The following IPCEF1 variants were observed in gnomAD, a reference collection of about 807,000 sequenced individuals.
The protein encoded by IPCEF1 is interactor protein for cytohesin exchange factors 1.
IPCEF1 carries 31 observed loss-of-function variants against 50.9 expected under a neutral mutation model. The ratio of observed to expected loss-of-function variants is 0.61; its 90% CI spans 0.46 to 0.82. The LOEUF is 0.82. Among genes scored for constraint, IPCEF1 ranks in the 40% least tolerant of loss-of-function variants. The pLI is 0.00. For missense variants in IPCEF1, 458 were observed against 514.0 expected (o/e 0.89, Z 1.05); for synonymous variants, 181 against 192.0 (o/e 0.94, Z 0.47).
intron 11 of IPCEF1, among the ~76,000 whole-genome samples, chr6:154,161,165 C>T (rs1364675966): frequency 6.6e-6 from 1 of 151,986 alleles, no homozygotes; most frequent in Non-Finnish European, 1.5e-5. Flanking sequence ...GTTTCTTTTA[C>T]ACAGAACACT....
At chr6:154,237,301 GA>G (rs1224371329) in intron 5 of IPCEF1, among the ~76,000 whole-genome samples, 1 of 152,152 alleles carries the variant, frequency 6.6e-6, no homozygotes, top group Admixed American at 6.5e-5. Context: ...CTCCAGGGTG[GA>G]AAACGCTGTA....
chr6:154,295,568 G>A (rs907033272), intron 1 of IPCEF1, among the ~76,000 whole-genome samples: 1 of 152,156 alleles, frequency 6.6e-6, no homozygotes, highest in Middle Eastern at 3.2e-3. Flanking sequence ...GAGAGCACAG[G>A]GGGTCTAGGT....
intron 2 of IPCEF1, among the ~76,000 whole-genome samples, chr6:154,268,519 G>A (rs921056851): frequency 1.3e-5 from 2 of 152,138 alleles, no homozygotes; most frequent in African/African-American, 4.8e-5. Context: ...TTGGACCACT[G>A]CAAGAACATC....
Position 154,199,934 on chromosome 6 carries a change from A to G in IPCEF1, c.644T>C (p.Leu215Ser), listed in dbSNP as rs1228857466. ...VKTPSSFPSS[L>S]SKERQSLPDT... ...AGGCAAGGATTGTCTCTCTTTAGATAAGGAGGAAGGAAAACTGCTGGGTGT... is the reference window on the plus strand; with the variant it reads ...AGGCAAGGATTGTCTCTCTTTAGATGAGGAGGAAGGAAAACTGCTGGGTGT... Residue 215 changes from leucine to serine, a missense_variant, in exon 10 of 12, where the codon TTA becomes TCA. By Grantham distance (145) the Leu-to-Ser change is moderately radical. Coordinates refer to ENST00000367220, the MANE Select transcript of IPCEF1 (RefSeq NM_001130700.2). 1 of 1,614,238 alleles carries G rather than the reference A, an allele frequency of 6.2e-7. No homozygotes were observed. Among genetic ancestry groups the G allele is most frequent in the East Asian group, 2.2e-5 (1 of 44,878 alleles).
chr6:154,178,632 G>A (rs751671276), intron 10 of IPCEF1, among the ~76,000 whole-genome samples: 2 of 152,064 alleles, frequency 1.3e-5, no homozygotes, highest in African/African-American at 2.4e-5. Context: ...ACCTGTTGGG[G>A]TAACCAGACA....
At chr6:154,353,020 T>G (rs1232463865) in intron 1 of IPCEF1, among the ~76,000 whole-genome samples, 1 of 152,226 alleles carries the variant, frequency 6.6e-6, no homozygotes, top group Non-Finnish European at 1.5e-5. Flanking sequence ...CCCATTTTCA[T>G]GTCATTCTAG....
At chr6:154,349,388 A>G (rs1562298548) in intron 1 of IPCEF1, among the ~76,000 whole-genome samples, 1 of 146,058 alleles carries the variant, frequency 6.8e-6, no homozygotes, top group East Asian at 2.0e-4. Context: ...ATTTTATTTT[A>G]TTTATTTATT....
chr6:154,200,005 C>T lies in IPCEF1; in HGVS notation c.573G>A (p.Leu191=). ...AAGAGAAAGAATACGACGTTCCACT[C>T]AGGCTGGGTGAGGATGAAGATGCCT... ...AQQASSSSPS[L]SGTSYSFSSL... is the part of the protein sequence containing the mutation. Residue 191 remains leucine, a synonymous_variant, in exon 10 of 12, where the codon CTG becomes CTA. Coordinates refer to ENST00000367220, the MANE Select transcript of IPCEF1 (RefSeq NM_001130700.2). The T allele has an allele frequency of 6.2e-7, 1 of 1,614,058 alleles. No homozygotes were observed. The highest frequency in any genetic ancestry group is 8.5e-7 in the Non-Finnish European group (1 of 1,179,962).
chr6:154,208,955 A>G (rs552535988), intron 9 of IPCEF1, among the ~76,000 whole-genome samples: 3 of 152,344 alleles, frequency 2.0e-5, no homozygotes, highest in Admixed American at 2.0e-4. Flanking sequence ...TCTTTCCACT[A>G]TCAACCCTCT....
At chr6:154,331,655 T>C (rs1164909392) in intron 1 of IPCEF1, among the ~76,000 whole-genome samples, 1 of 151,760 alleles carries the variant, frequency 6.6e-6, no homozygotes, top group Non-Finnish European at 1.5e-5. Flanking sequence ...CATTGGAGAG[T>C]AGGCTCAAGC....
chr6:154,173,516 G>A (rs996587752), intron 10 of IPCEF1, among the ~76,000 whole-genome samples: 11 of 152,198 alleles, frequency 7.2e-5, no homozygotes, highest in African/African-American at 1.7e-4. Flanking sequence ...CAAGAACTTC[G>A]TGAAGCATAC....
chr6:154,205,109 C>T (rs1246412630), intron 9 of IPCEF1, among the ~76,000 whole-genome samples: 1 of 152,170 alleles, frequency 6.6e-6, no homozygotes, highest in Admixed American at 6.5e-5. Context: ...CCTCTCCACT[C>T]CCAACCCCTG....
intron 7 of IPCEF1, 120 bp downstream of exon 7, chr6:154,221,137 T>A: frequency 1.4e-6 from 1 of 721,414 alleles, no homozygotes. Context: ...AATAAATTAA[T>A]CCTTAAAGTA....
chr6:154,348,792 A>G (rs1237495956), intron 1 of IPCEF1, among the ~76,000 whole-genome samples: 1 of 152,236 alleles, frequency 6.6e-6, no homozygotes, highest in Non-Finnish European at 1.5e-5. Context: ...ACGTTCCTGC[A>G]ACAACCATTT....
At chr6:154,178,723 G>T (rs183962865) in intron 10 of IPCEF1, among the ~76,000 whole-genome samples, 264 of 152,242 alleles carry the variant, frequency 1.7e-3, no homozygotes, top group African/African-American at 6.0e-3. Context: ...CCAAAAATGA[G>T]ATAATGGCAA....
chr6:154,256,569 G>A (rs1331770952), intron 3 of IPCEF1, among the ~76,000 whole-genome samples: 2 of 30,610 alleles, frequency 6.5e-5, no homozygotes, highest in African/African-American at 1.0e-4. Flanking sequence ...CTCTCTGTGC[G>A]TGTGTGTGTG....
At chr6:154,339,342 C>T (rs1436318250) in intron 1 of IPCEF1, among the ~76,000 whole-genome samples, 1 of 152,042 alleles carries the variant, frequency 6.6e-6, no homozygotes, top group South Asian at 2.1e-4. Flanking sequence ...GTTCAATCAA[C>T]TGTCCATGAA....
intron 11 of IPCEF1, among the ~76,000 whole-genome samples, chr6:154,165,392 T>C (rs950958539): frequency 3.9e-5 from 6 of 152,230 alleles, no homozygotes; most frequent in Non-Finnish European, 7.3e-5. Flanking sequence ...AACATGAACA[T>C]GCACACATGT....
intron 1 of IPCEF1, among the ~76,000 whole-genome samples, chr6:154,299,169 G>C (rs1435461880): frequency 1.4e-5 from 2 of 140,114 alleles, no homozygotes; most frequent in African/African-American, 5.1e-5. Context: ...AGCCCCTCTC[G>C]GTCCTCCCAT....
Sources: gnomAD v4.1 joint callset for allele counts (sites outside exome capture counted in the v4.1 genomes callset) on GRCh38, gnomAD v4.1.1 for gene constraint, MANE v1.5 for transcripts, NCBI Gene and HGNC (gene_info 2026-07-23, HGNC 2026-07-21) for gene names.